Variants in DCC observed in about 807,000 individuals in gnomAD.
DCC encodes netrin receptor DCC.
DCC carries 58 observed loss-of-function variants against 172.5 expected under a neutral mutation model. The ratio of observed to expected loss-of-function variants is 0.34; its 90% CI spans 0.27 to 0.42. The LOEUF is 0.42. Ranked by LOEUF, DCC falls within the 10% of genes least tolerant of loss-of-function variation. The pLI, the probability that DCC is intolerant of heterozygous loss-of-function variation, is 1.00. For synonymous variants in DCC, 709 were observed against 644.5 expected (o/e 1.10, Z -1.52); for missense variants, 1,740 against 1,791.0 (o/e 0.97, Z 0.51).
rs181292908 is a variant in DCC, at chr18:52,706,852, G to A, written c.92-45202G>A. ...AGAGTTGTGCTATGATAAGAGCAAG[G>A]TGTCCTGAGCCCAAGGTGTCTCCTT... On this transcript the variant is annotated intron_variant, in intron 1 of 28. Transcript: ENST00000442544. Among the ~76,000 whole-genome samples the A allele has an allele frequency of 1.9e-4, 29 of 152,282 alleles. 1 individual carries two copies. Among genetic ancestry groups the A allele is most frequent in the Admixed American group, 1.8e-3 (28 of 15,298 alleles).
intron 2 of DCC, among the ~76,000 whole-genome samples, chr18:52,824,788 T>A (rs1316027373): frequency 6.6e-6 from 1 of 151,906 alleles, no homozygotes; most frequent in Non-Finnish European, 1.5e-5. Context: ...CTGGCCAACA[T>A]AGCGAAACCC....
intron 17 of DCC, among the ~76,000 whole-genome samples, chr18:53,392,833 A>C (rs1450962991): frequency 6.6e-6 from 1 of 152,210 alleles, no homozygotes; most frequent in Non-Finnish European, 1.5e-5. Context: ...AACTTAAAAG[A>C]ATTCATAAGT....
Position 53,157,360 on chromosome 18 carries a change from C to T in DCC, c.1266C>T (p.Ile422=). ...SAQLIVPKPA[I]PSSSVLPSAP... ...CCTCCTCTTCTTTCTCCTTAGCTATCCCAAGCTCCAGTGTCCTCCCTTCGG... is the reference window on the plus strand; with the variant it reads ...CCTCCTCTTCTTTCTCCTTAGCTATTCCAAGCTCCAGTGTCCTCCCTTCGG... The change falls in exon 8 of 29, where the codon ATC becomes ATT. Residue 422 remains isoleucine, a synonymous_variant. Coordinates refer to ENST00000442544, the MANE Select transcript of DCC (RefSeq NM_005215.4). The T allele has an allele frequency of 6.2e-7, 1 of 1,614,078 alleles. No individual in the cohort carries two copies. The highest frequency in any genetic ancestry group is 8.5e-7 in the Non-Finnish European group (1 of 1,179,974).
intron 22 of DCC, among the ~76,000 whole-genome samples, chr18:53,443,478 T>C (rs1568135375): frequency 6.6e-6 from 1 of 152,210 alleles, no homozygotes; most frequent in East Asian, 1.9e-4. Context: ...ACAATGCTCG[T>C]AGTCACCCAA....
At chr18:52,684,796 G>A (rs2035803059) in intron 1 of DCC, among the ~76,000 whole-genome samples, 1 of 152,108 alleles carries the variant, frequency 6.6e-6, no homozygotes, top group Non-Finnish European at 1.5e-5. Context: ...CAAGTGTACA[G>A]GTGGCTAATC....
chr18:52,698,723 C>T lies in DCC; in HGVS notation c.92-53331C>T, dbSNP rs893248050. ...AAGCAATTCTCCTGCCTCAGCCTCC[C>T]GAGTAGCTGGGATTACAGGCTCCCG... On this transcript the variant is annotated intron_variant, in intron 1 of 28. Transcript: ENST00000442544. Among the ~76,000 whole-genome samples the T allele has an allele frequency of 1.4e-4, 22 of 151,728 alleles. No individual in the cohort carries two copies. In the South Asian group the frequency reaches 2.9e-3, roughly 20 times the overall value.
intron 1 of DCC, among the ~76,000 whole-genome samples, chr18:52,679,161 A>G (rs1437256007): frequency 6.6e-6 from 1 of 152,070 alleles, no homozygotes; most frequent in African/African-American, 2.4e-5. Context: ...AAGCAAAGGA[A>G]CTTCACTATA....
intron 7 of DCC, among the ~76,000 whole-genome samples, chr18:53,072,162 T>A (rs2042661734): frequency 6.6e-6 from 1 of 152,084 alleles, no homozygotes; most frequent in Admixed American, 6.6e-5. Context: ...GTGTTCTGTG[T>A]TACAAGAATA....
intron 12 of DCC, among the ~76,000 whole-genome samples, chr18:53,258,837 G>A (rs548017585): frequency 6.6e-6 from 1 of 152,172 alleles, no homozygotes; most frequent in South Asian, 2.1e-4. Flanking sequence ...TTATTGTATG[G>A]GAGTCTAAGT....
At chr18:52,493,850 A>G (rs998939622) in intron 1 of DCC, among the ~76,000 whole-genome samples, 5 of 152,198 alleles carry the variant, frequency 3.3e-5, no homozygotes, top group South Asian at 2.1e-4. Context: ...GTCCTCTGAT[A>G]TGTGTTATGT....
chr18:52,577,501 T>A (rs1404227970), intron 1 of DCC, among the ~76,000 whole-genome samples: 1 of 152,186 alleles, frequency 6.6e-6, no homozygotes, highest in South Asian at 2.1e-4. Context: ...ATCCCAAAGT[T>A]GAATTCTTAA....
At chr18:52,718,294 T>C (rs1464990069) in intron 1 of DCC, among the ~76,000 whole-genome samples, 5 of 152,234 alleles carry the variant, frequency 3.3e-5, no homozygotes. Context: ...ATTCATTCTA[T>C]TCTTCAGGTG....
chr18:52,641,891 T>A lies in DCC; in HGVS notation c.92-110163T>A, dbSNP rs985914076. ...TATCTACCTAGAGGAAAAGAAGTCA[T>A]GATTCGAAAAAGATACTTAAACATG... On this transcript the variant is annotated intron_variant, in intron 1 of 28. Transcript: ENST00000442544. Among the ~76,000 whole-genome samples, 8 of 151,956 alleles carry A rather than the reference T, an allele frequency of 5.3e-5. No individual in the cohort carries two copies. In the East Asian group the frequency reaches 1.6e-3, roughly 30 times the overall value.
chr18:53,039,633 G>A (rs1407638795), intron 5 of DCC, among the ~76,000 whole-genome samples: 1 of 151,896 alleles, frequency 6.6e-6, no homozygotes, highest in Non-Finnish European at 1.5e-5. Flanking sequence ...TAGCCAAGAG[G>A]GAGGCTCTCC....
intron 1 of DCC, among the ~76,000 whole-genome samples, chr18:52,701,719 A>C (rs77562746): frequency 6.6e-6 from 1 of 152,060 alleles, no homozygotes; most frequent in Admixed American, 6.6e-5. Flanking sequence ...ATTATGTTGG[A>C]CTTTGTCACC....
At chr18:53,499,878 G>A (rs944456140) in intron 27 of DCC, among the ~76,000 whole-genome samples, 2 of 152,188 alleles carry the variant, frequency 1.3e-5, no homozygotes, top group African/African-American at 4.8e-5. Flanking sequence ...AAGACTAGAT[G>A]TAAAGGTATA....
chr18:53,194,228 G>T (rs2055409992), intron 9 of DCC, among the ~76,000 whole-genome samples: 1 of 152,122 alleles, frequency 6.6e-6, no homozygotes, highest in Non-Finnish European at 1.5e-5. Context: ...CAAGAAGCCA[G>T]TGAATGCCCT....
At chr18:52,802,314 T>C (rs181743593) in intron 2 of DCC, among the ~76,000 whole-genome samples, 20 of 152,190 alleles carry the variant, frequency 1.3e-4, no homozygotes, top group African/African-American at 4.3e-4. Flanking sequence ...AGGAGAGTTT[T>C]GGAATCAAGA....
chr18:53,098,394 T>C (rs2043116992), intron 7 of DCC, among the ~76,000 whole-genome samples: 1 of 152,216 alleles, frequency 6.6e-6, no homozygotes, highest in Non-Finnish European at 1.5e-5. Flanking sequence ...ATAGTTTTCC[T>C]ATTTTCTAGT....
Sources: allele counts gnomAD v4.1 joint callset (sites outside exome capture counted in the v4.1 genomes callset), GRCh38; gene constraint gnomAD v4.1.1; transcripts MANE v1.5; gene names NCBI Gene and HGNC (gene_info 2026-07-23, HGNC 2026-07-21).